The following CSMD1 variants were observed in gnomAD, a reference collection of about 807,000 sequenced individuals.
CSMD1 encodes CUB and Sushi multiple domains 1.
In CSMD1, 213 loss-of-function variants were observed where a neutral mutation model predicts 417.5. The ratio of observed to expected loss-of-function variants is 0.51; its 90% CI spans 0.46 to 0.57. The LOEUF is 0.57. CSMD1 is among the 20% of genes least tolerant of loss of function. The pLI is 0.00. For missense variants in CSMD1, 6,923 were observed against 4,529.7 expected (o/e 1.53, Z -15.17); for synonymous variants, 2,862 against 1,736.8 (o/e 1.65, Z -16.11).
chr8:3,126,265 A>T (rs749488642), intron 41 of CSMD1, among the ~76,000 whole-genome samples: 2 of 152,216 alleles, frequency 1.3e-5, no homozygotes, highest in Non-Finnish European at 2.9e-5. Context: ...TAGTTCAGTA[A>T]AGCTTAGTCT....
chr8:3,911,404 T>C (rs1808455392), intron 5 of CSMD1, among the ~76,000 whole-genome samples: 2 of 151,840 alleles, frequency 1.3e-5, no homozygotes, highest in Middle Eastern at 3.4e-3. Flanking sequence ...GGCGGGCGCC[T>C]GTGATCCCAG....
chr8:3,406,057 C>T lies in CSMD1; in HGVS notation c.2236G>A (p.Val746Ile). 4.3e-6 allele frequency: 7 copies of T among 1,613,944 alleles called. No homozygotes were observed. Among genetic ancestry groups the T allele is most frequent in the Non-Finnish European group, 5.1e-6 (6 of 1,179,870 alleles). ...CAGCGGGGCACGGTGGAGCTCCAGA[C>T]CACGTTCCCGTCTTGCAGTATGCAG... is the stretch of plus-strand genomic sequence containing the variant. ...ITCILQDGNV[V>I]WSSTVPRCEA... is the part of the protein sequence containing the mutation. Residue 746 changes from valine to isoleucine, a missense_variant, in exon 15 of 70, where the codon GTC (valine) becomes ATC (isoleucine). Transcript: ENST00000635120.
chr8:3,533,697 G>A (rs1186827935), intron 10 of CSMD1, among the ~76,000 whole-genome samples: 1 of 152,080 alleles, frequency 6.6e-6, no homozygotes, highest in East Asian at 1.9e-4. Context: ...CACCACACGT[G>A]CCTCCACCGT....
At chr8:3,987,868 C>T (rs997676131) in intron 5 of CSMD1, among the ~76,000 whole-genome samples, 5 of 152,176 alleles carry the variant, frequency 3.3e-5, no homozygotes, top group Non-Finnish European at 5.9e-5. Context: ...GTTCAGGGTC[C>T]AATCTGTTTG....
At chr8:4,341,761 T>C (rs942608932) in intron 3 of CSMD1, among the ~76,000 whole-genome samples, 1 of 152,112 alleles carries the variant, frequency 6.6e-6, no homozygotes, top group Non-Finnish European at 1.5e-5. Context: ...GCATTAATAA[T>C]GGTCAATAAT....
chr8:4,645,465 A>AAAAAAG (rs1563364600), intron 1 of CSMD1, among the ~76,000 whole-genome samples: 1 of 150,560 alleles, frequency 6.6e-6, no homozygotes, highest in Admixed American at 6.6e-5. Context: ...AAAAAAAAAA[A>AAAAAAG]AAGGCAAGCA....
intron 2 of CSMD1, among the ~76,000 whole-genome samples, chr8:4,474,834 A>G (rs1283118029): frequency 1.3e-5 from 2 of 152,176 alleles, no homozygotes; most frequent in African/African-American, 4.8e-5. Context: ...CACTTAATCA[A>G]TAGTAAATAT....
intron 7 of CSMD1, among the ~76,000 whole-genome samples, chr8:3,663,370 G>C (rs146741788): frequency 2.0e-5 from 3 of 152,096 alleles, no homozygotes; most frequent in Admixed American, 1.3e-4. Context: ...ACTTTATAAA[G>C]GGGCACTTCT....
intron 5 of CSMD1, among the ~76,000 whole-genome samples, chr8:3,959,731 G>A (rs1442333982): frequency 1.3e-5 from 2 of 152,136 alleles, no homozygotes; most frequent in Non-Finnish European, 2.9e-5. Context: ...TTTTGAAACT[G>A]CAGCGGGAAC....
rs937155580 is a variant in CSMD1, at chr8:3,578,446, G to A, written c.1223-3380C>T. Among the ~76,000 whole-genome samples the A allele has an allele frequency of 1.1e-4, 16 of 152,252 alleles. 1 individual carries two copies. The highest frequency in any genetic ancestry group is 4.1e-4 in the South Asian group (2 of 4,822). On this transcript the variant is annotated intron_variant, in intron 9 of 69. Transcript: ENST00000635120. ...GAATAATGGGTGTCGAGAAAATCTC[G>A]GCAGTGCACGCAGGCCCTTGCAAAG... is the stretch of plus-strand genomic sequence containing the variant.
intron 3 of CSMD1, among the ~76,000 whole-genome samples, chr8:4,090,766 G>C (rs568708917): frequency 6.6e-6 from 1 of 152,050 alleles, no homozygotes; most frequent in Non-Finnish European, 1.5e-5. Flanking sequence ...TGAAGTAGTG[G>C]GTTATAATTA....
At chr8:4,553,232 C>G (rs1042428156) in intron 2 of CSMD1, among the ~76,000 whole-genome samples, 1 of 152,186 alleles carries the variant, frequency 6.6e-6, no homozygotes, top group African/African-American at 2.4e-5. Flanking sequence ...AAAATCTGGA[C>G]AGTCTGCAAC....
At chr8:4,343,165 G>A (rs568201164) in intron 3 of CSMD1, among the ~76,000 whole-genome samples, 22 of 152,088 alleles carry the variant, frequency 1.4e-4, no homozygotes, top group Non-Finnish European at 2.8e-4. Context: ...AATGTATTTG[G>A]TAAAATACAA....
chr8:3,512,155 G>C (rs1215886463), intron 10 of CSMD1, among the ~76,000 whole-genome samples: 1 of 152,174 alleles, frequency 6.6e-6, no homozygotes, highest in Non-Finnish European at 1.5e-5. Flanking sequence ...CACCAAACAT[G>C]TCCTTGGCAG....
At chr8:4,391,501 G>C (rs1803847766) in intron 3 of CSMD1, among the ~76,000 whole-genome samples, 1 of 152,060 alleles carries the variant, frequency 6.6e-6, no homozygotes, top group Non-Finnish European at 1.5e-5. Flanking sequence ...CCTCTGCTGT[G>C]ACCAGTGCAG....
chr8:3,435,625 G>A (rs1443621244), intron 12 of CSMD1, among the ~76,000 whole-genome samples: 3 of 152,084 alleles, frequency 2.0e-5, no homozygotes, highest in South Asian at 2.1e-4. Flanking sequence ...TGATGACTAT[G>A]AGCTGTTACA....
chr8:4,868,977 T>C (rs533108878), intron 1 of CSMD1, among the ~76,000 whole-genome samples: 79 of 152,064 alleles, frequency 5.2e-4, no homozygotes, highest in Non-Finnish European at 8.7e-4. Flanking sequence ...GACATACAAA[T>C]AGAATAGATG....
intron 1 of CSMD1, among the ~76,000 whole-genome samples, chr8:4,929,552 T>G (rs1807097084): frequency 6.6e-6 from 1 of 152,166 alleles, no homozygotes; most frequent in African/African-American, 2.4e-5. Flanking sequence ...CTCACCTCAG[T>G]GTAGAAAGGA....
intron 3 of CSMD1, among the ~76,000 whole-genome samples, chr8:4,096,511 A>G (rs1467997123): frequency 2.0e-5 from 3 of 152,188 alleles, no homozygotes; most frequent in African/African-American, 7.2e-5. Flanking sequence ...ACAGCCAATG[A>G]CTACTTAGAA....
Sources: allele counts gnomAD v4.1 joint callset (sites outside exome capture counted in the v4.1 genomes callset), GRCh38; gene constraint gnomAD v4.1.1; transcripts MANE v1.5; gene names NCBI Gene and HGNC (gene_info 2026-07-23, HGNC 2026-07-21).